Variants in SYTL3 observed in about 807,000 individuals in gnomAD.
SYTL3 encodes synaptotagmin like 3, also known as synaptotagmin-like protein 3.
SYTL3 carries 88 observed loss-of-function variants against 82.1 expected under a neutral mutation model. The ratio of observed to expected loss-of-function variants is 1.07; its 90% CI spans 0.90 to 1.28. SYTL3 has a LOEUF of 1.28. SYTL3 is among the 50% of genes most tolerant of loss of function. The pLI, the probability that SYTL3 is intolerant of heterozygous loss-of-function variation, is 0.00. For missense variants in SYTL3, 831 were observed against 757.6 expected, an observed-to-expected ratio of 1.10 and a Z score of -1.14; for synonymous variants, 311 against 289.4, an observed-to-expected ratio of 1.07 and a Z score of -0.76.
chr6:158,665,430 A>G lies in SYTL3; in HGVS notation c.146A>G (p.Lys49Arg). ...ACACACCTGCAGCATCTCCGGTGGA[A>G]AGGAGCGAAGAACACGGACTGGGAG... Reference protein sequence around the residue: ...LKTHLQHLRWKGAKNTDWEHK... With the variant: ...LKTHLQHLRWRGAKNTDWEHK... The change falls in exon 5 of 18, where the codon AAA (lysine) becomes AGA (arginine). Residue 49 changes from lysine to arginine, a missense_variant. Coordinates refer to ENST00000611299, the MANE Select transcript of SYTL3 (RefSeq NM_001242394.2). 1 of 1,606,394 alleles carries G rather than the reference A, an allele frequency of 6.2e-7. No homozygotes were observed. The highest frequency in any genetic ancestry group is 8.5e-7 in the Non-Finnish European group (1 of 1,176,418).
chr6:158,694,638 A>G (rs571616737), intron 6 of SYTL3, among the ~76,000 whole-genome samples: 1 of 152,302 alleles, frequency 6.6e-6, no homozygotes, highest in Admixed American at 6.5e-5. Context: ...GGCTTTGCAC[A>G]TAGTAGCAAC....
intron 6 of SYTL3, among the ~76,000 whole-genome samples, chr6:158,706,703 T>C (rs1007397527): frequency 6.6e-6 from 1 of 152,202 alleles, no homozygotes; most frequent in African/African-American, 2.4e-5. Flanking sequence ...AAAACCTCTT[T>C]TCTTGAAACA....
At chr6:158,654,684 C>T (rs988248701) in intron 2 of SYTL3, among the ~76,000 whole-genome samples, 3 of 152,146 alleles carry the variant, frequency 2.0e-5, no homozygotes, top group Non-Finnish European at 4.4e-5. Context: ...GGGATGGCTC[C>T]ATGTCACGGA....
intron 13 of SYTL3, among the ~76,000 whole-genome samples, chr6:158,754,267 C>T (rs1310810693): frequency 2.0e-5 from 3 of 152,172 alleles, no homozygotes; most frequent in Non-Finnish European, 2.9e-5. Flanking sequence ...CATTTGACAC[C>T]ACTGTCCTGG....
chr6:158,764,191 G>A (rs1376817514), intron 17 of SYTL3, among the ~76,000 whole-genome samples: 1 of 152,230 alleles, frequency 6.6e-6, no homozygotes, highest in African/African-American at 2.4e-5. Context: ...CCATGCTGGT[G>A]TGCAACTATC....
chr6:158,658,157 T>G (rs1481285031), intron 2 of SYTL3, among the ~76,000 whole-genome samples: 2 of 152,146 alleles, frequency 1.3e-5, no homozygotes, highest in African/African-American at 4.8e-5. Flanking sequence ...CTCCCAAAGT[T>G]CTGGGATTAC....
At chr6:158,736,467 A>G (rs1442424241) in intron 11 of SYTL3, among the ~76,000 whole-genome samples, 1 of 151,802 alleles carries the variant, frequency 6.6e-6, no homozygotes, top group Non-Finnish European at 1.5e-5. Context: ...ACTAAACAGT[A>G]GATTGTTTGG....
upstream of SYTL3, among the ~76,000 whole-genome samples, chr6:158,649,205 A>C (rs1562331763): frequency 6.6e-6 from 1 of 152,210 alleles, no homozygotes; most frequent in Non-Finnish European, 1.5e-5. Context: ...TACACACTAC[A>C]TCAGCAGAAT....
intron 6 of SYTL3, among the ~76,000 whole-genome samples, chr6:158,701,413 T>TG (rs1207976234): frequency 7.8e-5 from 10 of 128,370 alleles, no homozygotes; most frequent in South Asian, 4.9e-4. Context: ...AAGGGCTGTC[T>TG]GGGGGAGGAG....
chr6:158,763,248 C>T, intron 16 of SYTL3, 56 bp from the exon 17 acceptor site: 1 of 1,542,582 alleles, frequency 6.5e-7, no homozygotes, highest in East Asian at 2.2e-5. Flanking sequence ...GCACAGGCCT[C>T]AGGAGAGAAG....
chr6:158,732,829 A>T (rs1387992275), intron 11 of SYTL3, among the ~76,000 whole-genome samples: 1 of 152,218 alleles, frequency 6.6e-6, no homozygotes, highest in Non-Finnish European at 1.5e-5. Flanking sequence ...TAATTAAAGC[A>T]GTACTTATGC....
At chr6:158,710,859 C>T (rs1782688850) in intron 8 of SYTL3, among the ~76,000 whole-genome samples, 1 of 151,784 alleles carries the variant, frequency 6.6e-6, no homozygotes, top group South Asian at 2.1e-4. Context: ...TGGCCCATCA[C>T]ACCCTCCACC....
chr6:158,732,689 A>G (rs1014696631), intron 11 of SYTL3, among the ~76,000 whole-genome samples: 3 of 152,180 alleles, frequency 2.0e-5, no homozygotes, highest in African/African-American at 4.8e-5. Flanking sequence ...AATTTGGCGT[A>G]CCTTAAAGAC....
chr6:158,650,128 G>C (rs868440683), intron 1 of SYTL3, 50 bp downstream of exon 1: 1 of 152,134 alleles, frequency 6.6e-6, no homozygotes, highest in African/African-American at 2.4e-5. Flanking sequence ...TTTTAGGAGT[G>C]GGGGAGTGGG....
Position 158,762,132 on chromosome 6 carries a change from A to G in SYTL3, c.1471A>G (p.Asn491Asp). The change falls in exon 16 of 18, where the codon AAT becomes GAT. Residue 491 changes from asparagine to aspartate, a missense_variant. Coordinates refer to ENST00000611299, the MANE Select transcript of SYTL3 (RefSeq NM_001242394.2). Reference sequence around the variant, plus strand: ...TTGTTTGGTAGTGCTAGGAGCCAAGAATTTACCTGTGCGGCCAGATGGCAC... The same window carrying G: ...TTGTTTGGTAGTGCTAGGAGCCAAGGATTTACCTGTGCGGCCAGATGGCAC... ...QLCLVVLGAK[N>D]LPVRPDGTLN... 1 of 1,613,750 alleles carries G rather than the reference A, an allele frequency of 6.2e-7. No individual in the cohort carries two copies. Among genetic ancestry groups the G allele is most frequent in the South Asian group, 1.1e-5 (1 of 91,032 alleles).
chr6:158,701,174 A>ACT (rs1174100414), intron 6 of SYTL3, among the ~76,000 whole-genome samples: 11 of 129,534 alleles, frequency 8.5e-5, no homozygotes, highest in African/African-American at 1.6e-4. Context: ...TAGATGAAGG[A>ACT]GGTGAGCTGG....
upstream of SYTL3, among the ~76,000 whole-genome samples, chr6:158,647,200 AT>A (rs1256312986): frequency 6.6e-6 from 1 of 152,254 alleles, no homozygotes; most frequent in African/African-American, 2.4e-5. Flanking sequence ...ATGCACATAA[AT>A]CAACAGAAAA....
chr6:158,646,756 T>A (rs1787500404), upstream of SYTL3, among the ~76,000 whole-genome samples: 1 of 152,182 alleles, frequency 6.6e-6, no homozygotes, highest in African/African-American at 2.4e-5. Context: ...ATTACCTGGC[T>A]TCAACTCCCC....
intron 6 of SYTL3, among the ~76,000 whole-genome samples, chr6:158,689,303 T>C (rs865855587): frequency 6.6e-6 from 1 of 151,534 alleles, no homozygotes; most frequent in Non-Finnish European, 1.5e-5. Flanking sequence ...TAGATAACTT[T>C]ATCAGTTTGG....
Sources: gnomAD v4.1 joint callset for allele counts (sites outside exome capture counted in the v4.1 genomes callset) on GRCh38, gnomAD v4.1.1 for gene constraint, MANE v1.5 for transcripts, NCBI Gene and HGNC (gene_info 2026-07-23, HGNC 2026-07-21) for gene names.